Variants in SERAC1 observed in about 807,000 individuals in gnomAD.
SERAC1 encodes the protein protein SERAC1.
A neutral mutation model predicts 85.7 loss-of-function variants in SERAC1; 36 were observed. The ratio of observed to expected loss-of-function variants is 0.42; its 90% confidence interval spans 0.32 to 0.55. The LOEUF (loss-of-function observed/expected upper bound fraction) is 0.55. Among genes scored for constraint, SERAC1 ranks in the 20% least tolerant of loss-of-function variants. The probability of loss-of-function intolerance (pLI) is 0.11; values close to 1 mark genes in which losing one functional copy is unlikely to be tolerated. For missense variants in SERAC1, 629 were observed against 796.2 expected (o/e 0.79, Z 2.53); for synonymous variants, 242 against 265.3 (o/e 0.91, Z 0.85).
chr6:158,131,901 T>G (rs1784686991), intron 8 of SERAC1, among the ~76,000 whole-genome samples: 1 of 152,144 alleles, frequency 6.6e-6, no homozygotes, highest in African/African-American at 2.4e-5. Flanking sequence ...GTCTGAAAAT[T>G]TTGAGTCTCT....
intron 13 of SERAC1, chr6:158,116,513 T>C: frequency 2.1e-6 from 1 of 476,094 alleles, no homozygotes; most frequent in Non-Finnish European, 3.8e-6. Context: ...ACTAGGATTA[T>C]AGGCATGAGC....
intron 8 of SERAC1, among the ~76,000 whole-genome samples, chr6:158,130,873 A>G (rs1212129864): frequency 6.6e-6 from 1 of 152,246 alleles, no homozygotes; most frequent in Non-Finnish European, 1.5e-5. Flanking sequence ...CTTAAAGTCT[A>G]ATAATCAATA....
intron 8 of SERAC1, among the ~76,000 whole-genome samples, chr6:158,130,697 T>G (rs1784653070): frequency 1.3e-5 from 2 of 152,220 alleles, no homozygotes; most frequent in African/African-American, 4.8e-5. Context: ...GAGCGCAACC[T>G]GTGTCCTCGT....
rs746585917 is a variant in SERAC1, at chr6:158,148,998, T to G, written c.266-44A>C. ...TAAGTAAAACCAAGAATGTATTTTTTTTTTCTTTTGAGATGGAATCTTACT... is the reference window on the plus strand; with the variant it reads ...TAAGTAAAACCAAGAATGTATTTTTGTTTTCTTTTGAGATGGAATCTTACT... On this transcript the variant is annotated intron_variant, in intron 4 of 16. Coordinates refer to ENST00000647468, the MANE Select transcript of SERAC1 (RefSeq NM_032861.4). 8.2e-6 allele frequency: 12 copies of G among 1,463,752 alleles called. No individual in the cohort carries two copies. In the African/African-American group the frequency reaches 1.7e-4, roughly 21 times the overall value. 90.7% of individuals were successfully genotyped at this position (1,463,752 alleles called of 1,614,324 possible).
At chr6:158,155,420 G>GT (rs766207346) in intron 2 of SERAC1, 69 bp from the exon 3 acceptor site, 3 of 876,820 alleles carry the variant, frequency 3.4e-6, no homozygotes, top group Non-Finnish European at 5.6e-6. Context: ...AGGCAACAGT[G>GT]TAAGTCTCTA....
Position 158,120,347 on chromosome 6 carries a change from A to C in SERAC1, c.1166+78T>G. The C allele has an allele frequency of 1.4e-6, 2 of 1,387,554 alleles. No homozygotes were observed. The highest frequency in any genetic ancestry group is 3.1e-5 in the South Asian group (2 of 63,808). The allele number at this position is 1,387,554 out of a possible 1,614,324, so 86.0% of individuals were successfully genotyped here. On this transcript the variant is annotated intron_variant, in intron 11 of 16. Coordinates refer to ENST00000647468, the MANE Select transcript of SERAC1 (RefSeq NM_032861.4). This position sits in a 1 kb window ranked among gnomAD's most constrained non-coding sequence, Gnocchi z 4.4. ...GTTATTTAACTTATCTGAATTATGCAGAAATAAGTTAAAAATTTGAGGCCT... is the reference window on the plus strand; with the variant it reads ...GTTATTTAACTTATCTGAATTATGCCGAAATAAGTTAAAAATTTGAGGCCT...
At chr6:158,160,930 A>C (rs750008203) in intron 1 of SERAC1, 3 of 152,204 alleles carry the variant, frequency 2.0e-5, no homozygotes, top group African/African-American at 7.2e-5. Context: ...TTCCTTCCTT[A>C]CTTTTGTTTC....
chr6:158,131,813 C>T (rs1784684397), intron 8 of SERAC1, among the ~76,000 whole-genome samples: 1 of 152,136 alleles, frequency 6.6e-6, no homozygotes. Context: ...ATAATAAAGA[C>T]TGAAAACCAG....
chr6:158,126,401 T>G (rs1381834539), intron 10 of SERAC1, among the ~76,000 whole-genome samples: 1 of 114,482 alleles, frequency 8.7e-6, no homozygotes, highest in Non-Finnish European at 1.9e-5. Context: ...CTGGAACAAT[T>G]TGGCACCAAA....
intron 12 of SERAC1, among the ~76,000 whole-genome samples, chr6:158,118,068 G>T (rs118060696): frequency 0.026 from 3,935 of 152,290 alleles, 72 homozygotes; most frequent in Non-Finnish European, 0.039. Context: ...ATTTTAAGCT[G>T]CTATAGCCAA....
chr6:158,125,622 G>A (rs1562439352), intron 10 of SERAC1, among the ~76,000 whole-genome samples: 1 of 152,146 alleles, frequency 6.6e-6, no homozygotes, highest in Non-Finnish European at 1.5e-5. Context: ...CCAGCTACTC[G>A]TGAGGCTAAG....
intron 2 of SERAC1, among the ~76,000 whole-genome samples, chr6:158,156,908 ATATT>A (rs1431089880): frequency 1.4e-5 from 1 of 70,430 alleles, no homozygotes; most frequent in Non-Finnish European, 3.2e-5. Context: ...AGATATTAAT[ATATT>A]TATATAAATA....
chr6:158,135,061 CAAACT>C (rs1784759932), intron 8 of SERAC1, among the ~76,000 whole-genome samples: 1 of 151,992 alleles, frequency 6.6e-6, no homozygotes, highest in Admixed American at 6.6e-5. Flanking sequence ...AAGCATGAGA[CAAACT>C]AAACTAAGGG....
chr6:158,165,187 A>C (rs1330888681), intron 1 of SERAC1, among the ~76,000 whole-genome samples: 1 of 151,098 alleles, frequency 6.6e-6, no homozygotes, highest in Non-Finnish European at 1.5e-5. Context: ...AGAGTCTCTC[A>C]CTCTGTCACC....
At chr6:158,160,204 C>T (rs1785456095) in intron 1 of SERAC1, among the ~76,000 whole-genome samples, 1 of 151,836 alleles carries the variant, frequency 6.6e-6, no homozygotes, top group South Asian at 2.1e-4. Context: ...CGATTTACCC[C>T]TTTTGTTGTC....
intron 14 of SERAC1, among the ~76,000 whole-genome samples, 189 bp from the exon 15 acceptor site, chr6:158,115,160 T>C (rs1224640153): frequency 6.6e-6 from 1 of 152,212 alleles, no homozygotes; most frequent in Non-Finnish European, 1.5e-5. Context: ...ATACTCCTGA[T>C]CCTTATAGTG....
Position 158,120,633 on chromosome 6 carries a change from AGAGT to A in SERAC1, c.1016-62_1016-59del. 1 of 1,561,050 alleles carries A rather than the reference AGAGT, an allele frequency of 6.4e-7. No homozygotes were observed. Among genetic ancestry groups the A allele is most frequent in the Admixed American group, 1.9e-5 (1 of 52,718 alleles). ...TGTGAATCCATCGCAGACCACAGAG[AGAGT>A]GAGGTTTCAAACTGAATATGATGGG... On this transcript the variant is annotated intron_variant, in intron 10 of 16. Transcript: ENST00000647468. This position sits in a 1 kb window ranked among gnomAD's most constrained non-coding sequence, Gnocchi z 4.4.
intron 7 of SERAC1, among the ~76,000 whole-genome samples, chr6:158,143,687 A>G (rs1289488018): frequency 6.6e-6 from 1 of 151,886 alleles, no homozygotes; most frequent in Non-Finnish European, 1.5e-5. Context: ...ATTAATATCT[A>G]GTATGTTCAT....
rs1214768455 is a variant in SERAC1, at chr6:158,128,103, G to A, written c.1015+5C>T. On this transcript the variant is annotated splice_donor_5th_base_variant and intron_variant, in intron 10 of 16. Transcript: ENST00000647468. The stretch of plus-strand genomic sequence containing the variant: ...TAAAAAATACTCAGTATATAAAGCT[G>A]TTACCTGAGCGAACTATAGAAGAAT... 6.2e-7 allele frequency: 1 copy of A among 1,610,928 alleles called. No individual in the cohort carries two copies. The highest frequency in any genetic ancestry group is 1.3e-5 in the African/African-American group (1 of 74,780).
Sources: gnomAD v4.1 joint callset for allele counts (sites outside exome capture counted in the v4.1 genomes callset) on GRCh38, gnomAD v4.1.1 for gene constraint, Gnocchi (gnomAD v3.1) non-coding constraint, MANE v1.5 for transcripts, NCBI Gene and HGNC (gene_info 2026-07-23, HGNC 2026-07-21) for gene names.